The following VPS13B variants were observed in gnomAD, a reference collection of about 807,000 sequenced individuals.
The protein encoded by VPS13B is intermembrane lipid transfer protein VPS13B.
VPS13B carries 285 observed loss-of-function variants against 426.4 expected under a neutral mutation model. The observed-to-expected ratio is 0.67, with a 90% CI of 0.61 to 0.74. The LOEUF (loss-of-function observed/expected upper bound fraction) is 0.74. VPS13B is among the 30% of genes least tolerant of loss of function. VPS13B has a pLI of 0.00. For missense variants in VPS13B, 4,537 were observed against 4,782.6 expected (o/e 0.95, Z 1.51); for synonymous variants, 1,676 against 1,676.4 (o/e 1.00, Z 0.01).
At chr8:99,204,109 T>C (rs182605938) in intron 17 of VPS13B, among the ~76,000 whole-genome samples, 2 of 152,208 alleles carry the variant, frequency 1.3e-5, no homozygotes, top group African/African-American at 4.8e-5. Flanking sequence ...CTTTCAAATA[T>C]GCTACAAGGT....
intron 19 of VPS13B, among the ~76,000 whole-genome samples, chr8:99,350,590 A>T (rs1381997611): frequency 6.6e-6 from 1 of 152,238 alleles, no homozygotes; most frequent in Non-Finnish European, 1.5e-5. Flanking sequence ...AGTGAGAAGT[A>T]TTAAAGTTAA....
intron 19 of VPS13B, among the ~76,000 whole-genome samples, chr8:99,297,718 T>C (rs1820122787): frequency 6.6e-6 from 1 of 152,228 alleles, no homozygotes; most frequent in African/African-American, 2.4e-5. Flanking sequence ...GACAATTTTC[T>C]ATGCAACGTT....
At chr8:99,243,682 A>G (rs1218987333) in intron 17 of VPS13B, among the ~76,000 whole-genome samples, 1 of 152,220 alleles carries the variant, frequency 6.6e-6, no homozygotes, top group Non-Finnish European at 1.5e-5. Context: ...TTGAGAGATT[A>G]TGTTCCATAC....
At chr8:99,443,664 G>A (rs1475988147) in intron 23 of VPS13B, among the ~76,000 whole-genome samples, 2 of 151,974 alleles carry the variant, frequency 1.3e-5, no homozygotes. Context: ...TGTTTTTATG[G>A]CTGAATAGTA....
At chr8:99,601,328 C>G (rs1224933661) in intron 33 of VPS13B, among the ~76,000 whole-genome samples, 1 of 152,184 alleles carries the variant, frequency 6.6e-6, no homozygotes, top group Non-Finnish European at 1.5e-5. Context: ...AGGGCATGAA[C>G]TCATCATTTT....
chr8:99,854,280 G>C, intron 56 of VPS13B, 24 bp downstream of exon 56: 1 of 1,609,658 alleles, frequency 6.2e-7, no homozygotes. Context: ...CTGAGGGTCT[G>C]TGATGAGCTA....
chr8:99,090,267 CTTTTTT>C lies in VPS13B; in HGVS notation c.292-6032_292-6027del, dbSNP rs1205594894. On this transcript the variant is annotated intron_variant, in intron 3 of 61. Coordinates refer to ENST00000357162, the MANE Select transcript of VPS13B (RefSeq NM_152564.5). ...TCTTTGTGACATGTATAATCATAAACTTTTTTTTTTTTTTTTTTCACACAGAGTCTC... is the reference window on the plus strand; with the variant it reads ...TCTTTGTGACATGTATAATCATAAACTTTTTTTTTTTTCACACAGAGTCTC... Among the ~76,000 whole-genome samples the C allele has an allele frequency of 6.6e-5, 9 of 136,164 alleles. 1 individual carries two copies. Among genetic ancestry groups the C allele is most frequent in the Admixed American group, 3.7e-4 (5 of 13,504 alleles). The allele number at this position is 136,164 out of a possible 152,430, so 89.3% of individuals were successfully genotyped here.
chr8:99,369,030 A>AG (rs1813035597), intron 19 of VPS13B, among the ~76,000 whole-genome samples: 1 of 152,150 alleles, frequency 6.6e-6, no homozygotes, highest in Non-Finnish European at 1.5e-5. Flanking sequence ...CTCCTTCTTT[A>AG]GGACTCTGCT....
chr8:99,867,179 CAG>C (rs1315636354), intron 58 of VPS13B, among the ~76,000 whole-genome samples: 4 of 152,170 alleles, frequency 2.6e-5, no homozygotes, highest in Admixed American at 6.5e-5. Context: ...GAATTGAAAA[CAG>C]AGAATTCTGT....
chr8:99,545,468 A>G (rs1188339773), intron 30 of VPS13B, among the ~76,000 whole-genome samples: 2 of 152,132 alleles, frequency 1.3e-5, no homozygotes, highest in African/African-American at 4.8e-5. Flanking sequence ...GGAATTAAGG[A>G]GCTAAATTTT....
rs1234936269 is a variant in VPS13B at position 99,029,197 on chromosome 8, G to T, written c.148-9226G>T. ...AGACGATGGGCGGCCGGGCAGAAAC[G>T]CTCCTCACTTCCTAGATGGGATGGC... On this transcript the variant is annotated intron_variant, in intron 2 of 61. Coordinates refer to ENST00000357162, the MANE Select transcript of VPS13B (RefSeq NM_152564.5). Among the ~76,000 whole-genome samples the T allele has an allele frequency of 2.0e-5, 3 of 150,308 alleles. No homozygotes were observed. In the South Asian group the frequency reaches 6.4e-4, roughly 32 times the overall value.
chr8:99,092,882 G>C (rs1054767421), intron 3 of VPS13B, among the ~76,000 whole-genome samples: 2 of 150,014 alleles, frequency 1.3e-5, no homozygotes, highest in African/African-American at 4.9e-5. Context: ...AAGTTATTTA[G>C]TTTGTTTTTC....
At chr8:99,562,142 G>A (rs375250942) in intron 31 of VPS13B, among the ~76,000 whole-genome samples, 1 of 152,004 alleles carries the variant, frequency 6.6e-6, no homozygotes, top group South Asian at 2.1e-4. Flanking sequence ...CATCCTACTG[G>A]GTGTGAGGTG....
chr8:99,852,640 G>A (rs1239214200), intron 55 of VPS13B, among the ~76,000 whole-genome samples: 2 of 152,198 alleles, frequency 1.3e-5, no homozygotes, highest in East Asian at 1.9e-4. Flanking sequence ...CACTGATGAC[G>A]AGTTGTTTTA....
intron 19 of VPS13B, among the ~76,000 whole-genome samples, chr8:99,308,942 C>T (rs1239096501): frequency 6.6e-6 from 1 of 152,176 alleles, no homozygotes; most frequent in African/African-American, 2.4e-5. Flanking sequence ...TGATGGTGAG[C>T]ATTTTTTCAT....
At chr8:99,797,552 C>T (rs1812912949) in intron 43 of VPS13B, among the ~76,000 whole-genome samples, 1 of 152,140 alleles carries the variant, frequency 6.6e-6, no homozygotes, top group South Asian at 2.1e-4. Context: ...AGGCACTGAT[C>T]TCAAAATATA....
intron 42 of VPS13B, among the ~76,000 whole-genome samples, chr8:99,783,507 T>C (rs542185227): frequency 1.3e-5 from 2 of 152,280 alleles, no homozygotes; most frequent in South Asian, 4.2e-4. Flanking sequence ...GGAAATACTT[T>C]ATTACTTTGC....
chr8:99,331,223 A>G (rs1011808796), intron 19 of VPS13B, among the ~76,000 whole-genome samples: 22 of 151,850 alleles, frequency 1.4e-4, no homozygotes, highest in African/African-American at 4.6e-4. Flanking sequence ...GGTTGTTTTT[A>G]AATAATGCAC....
chr8:99,784,543 G>A (rs1047555152), intron 43 of VPS13B, 67 bp downstream of exon 43: 2 of 1,597,524 alleles, frequency 1.3e-6, no homozygotes, highest in Admixed American at 1.7e-5. Context: ...CTGCACTTGT[G>A]TGCCTGTCCA....
Sources: gnomAD v4.1 joint callset for allele counts (sites outside exome capture counted in the v4.1 genomes callset) on GRCh38, gnomAD v4.1.1 for gene constraint, MANE v1.5 for transcripts, NCBI Gene and HGNC (gene_info 2026-07-23, HGNC 2026-07-21) for gene names.